ITGAE: variants seen among roughly 807,000 people sequenced by gnomAD.
The protein encoded by ITGAE is integrin alpha-E.
ITGAE carries 99 observed loss-of-function variants against 136.5 expected under a neutral mutation model. The observed-to-expected ratio is 0.73, with a 90% CI of 0.62 to 0.86. The LOEUF is 0.86. Ranked by LOEUF, ITGAE falls within the 40% of genes least tolerant of loss-of-function variation. ITGAE has a pLI of 0.00. For missense variants in ITGAE, 1,447 were observed against 1,515.3 expected (o/e 0.95, Z 0.75); for synonymous variants, 613 against 591.8 (o/e 1.04, Z -0.52).
At chr17:3,723,992 G>C (rs2051135193) in intron 26 of ITGAE, 2 of 1,593,506 alleles carry the variant, frequency 1.3e-6, no homozygotes, top group East Asian at 2.3e-5. Flanking sequence ...ATGGGGCTGC[G>C]GACGGCAGGA....
intron 3 of ITGAE, among the ~76,000 whole-genome samples, chr17:3,763,019 A>G (rs1567542363): frequency 6.6e-6 from 1 of 151,898 alleles, no homozygotes; most frequent in Non-Finnish European, 1.5e-5. Context: ...CAGCCTCCCA[A>G]ATAGCTGGGA....
chr17:3,796,825 C>T (rs10468478), intron 1 of ITGAE, among the ~76,000 whole-genome samples: 10,510 of 152,154 alleles, frequency 0.069, 578 homozygotes, highest in African/African-American at 0.14. Context: ...ATAAGTACCA[C>T]GATTCCCAAT....
At position 3,748,129 on chromosome 17, in the gene ITGAE, A is replaced by G. The variant is rs1355169442; in HGVS notation, c.2025-77T>C. 2.1e-6 allele frequency: 3 copies of G among 1,447,634 alleles called. No homozygotes were observed. The East Asian group carries it at 7.3e-5, about 35-fold the overall frequency. 89.7% of individuals were successfully genotyped at this position (1,447,634 alleles called of 1,614,324 possible). A position where few individuals can be genotyped will look rare whatever the true frequency, so the allele number is the denominator to read the frequency against. On this transcript the variant is annotated intron_variant, in intron 16 of 30. Coordinates refer to ENST00000263087, the MANE Select transcript of ITGAE (RefSeq NM_002208.5). ...CAGGGCCTGGCTGATTGGTTCATGCATTCAATGGTTCTCTATCAAACATGC... is the reference window on the plus strand; with the variant it reads ...CAGGGCCTGGCTGATTGGTTCATGCGTTCAATGGTTCTCTATCAAACATGC...
At chr17:3,746,245 A>G (rs2051711022) in intron 17 of ITGAE, among the ~76,000 whole-genome samples, 1 of 152,080 alleles carries the variant, frequency 6.6e-6, no homozygotes, top group Non-Finnish European at 1.5e-5. Context: ...AAGAGAGACA[A>G]CAAAGAGAAT....
At chr17:3,793,350 C>CT (rs966441240) in intron 1 of ITGAE, among the ~76,000 whole-genome samples, 2 of 152,020 alleles carry the variant, frequency 1.3e-5, no homozygotes, top group African/African-American at 4.8e-5. Context: ...CATGCCCGGC[C>CT]TTTTTTTCTT....
intron 18 of ITGAE, 71 bp from the exon 19 acceptor site, chr17:3,743,688 T>C: frequency 7.0e-7 from 1 of 1,426,466 alleles, no homozygotes; most frequent in Non-Finnish European, 9.4e-7. Context: ...TAATGCTTTT[T>C]TTCTTTTTCT....
intron 20 of ITGAE, among the ~76,000 whole-genome samples, chr17:3,735,347 A>C (rs938002429): frequency 6.6e-6 from 1 of 151,944 alleles, no homozygotes; most frequent in African/African-American, 2.4e-5. Flanking sequence ...TTGTATTTTT[A>C]TTAGGGACGG....
chr17:3,737,659 C>A (rs891188948), intron 20 of ITGAE, among the ~76,000 whole-genome samples: 1 of 152,156 alleles, frequency 6.6e-6, no homozygotes, highest in African/African-American at 2.4e-5. Flanking sequence ...AACAGCGTTG[C>A]CTAATCTGAG....
chr17:3,726,370 T>A (rs2051214237), intron 26 of ITGAE: 1 of 1,414,824 alleles, frequency 7.1e-7, no homozygotes, highest in Non-Finnish European at 9.8e-7. Flanking sequence ...GAGAGGAGAC[T>A]GGTCTTGAAG....
At chr17:3,731,631 C>A (rs1049593234) in intron 22 of ITGAE, among the ~76,000 whole-genome samples, 1 of 151,586 alleles carries the variant, frequency 6.6e-6, no homozygotes, top group Admixed American at 6.6e-5. Context: ...CATGAGCCAC[C>A]GCGCCTGGCC....
intron 2 of ITGAE, among the ~76,000 whole-genome samples, chr17:3,767,160 G>A (rs570478453): frequency 7.3e-5 from 11 of 151,080 alleles, no homozygotes; most frequent in Admixed American, 4.0e-4. Context: ...GCAATGGCAC[G>A]ATCTCGGCTC....
intron 1 of ITGAE, among the ~76,000 whole-genome samples, chr17:3,795,077 G>C (rs1406381026): frequency 6.6e-6 from 1 of 152,158 alleles, no homozygotes; most frequent in African/African-American, 2.4e-5. Context: ...CCAGGAGCCA[G>C]GAGCCAATCC....
chr17:3,754,164 G>A (rs1389979868), intron 12 of ITGAE, among the ~76,000 whole-genome samples: 1 of 152,172 alleles, frequency 6.6e-6, no homozygotes, highest in Non-Finnish European at 1.5e-5. Flanking sequence ...ATGCAGCTTT[G>A]CTCGAAATAC....
rs184220034 is a variant in ITGAE, at chr17:3,755,157, C to T, written c.1344G>A (p.Ala448=). ...RRGRFLNQTA[A]AAADAEAAQY... ...GCGCAGCCTCCGCGTCTGCCGCCGC[C>T]GCCGCTGTCTGGTTCAGGAAGCGGC... is the stretch of plus-strand genomic sequence containing the variant. Residue 448 remains alanine (A), a synonymous_variant, in exon 12 of 31, where the codon GCG becomes GCA. Coordinates refer to ENST00000263087, the MANE Select transcript of ITGAE (RefSeq NM_002208.5). 372 of 1,555,742 alleles carry T rather than the reference C, an allele frequency of 2.4e-4. No homozygotes were observed. The African/African-American group carries it at 4.6e-3, about 19-fold the overall frequency.
intron 26 of ITGAE, chr17:3,724,021 G>A (rs747970048): frequency 1.3e-6 from 2 of 1,590,560 alleles, no homozygotes; most frequent in Non-Finnish European, 1.7e-6. Context: ...CGGCCGGGCC[G>A]GGAAGCCGCG....
At chr17:3,796,051 C>CCG (rs1491059404) in intron 1 of ITGAE, among the ~76,000 whole-genome samples, 2 of 122,752 alleles carry the variant, frequency 1.6e-5, no homozygotes, top group African/African-American at 3.2e-5. Flanking sequence ...GTGTGTGCAT[C>CCG]TGTGTGTGTG....
intron 21 of ITGAE, among the ~76,000 whole-genome samples, chr17:3,734,185 C>G (rs1349817443): frequency 6.6e-6 from 1 of 152,240 alleles, no homozygotes; most frequent in Non-Finnish European, 1.5e-5. Context: ...ATTCTCCTGC[C>G]TCAGCCTCCC....
chr17:3,741,139 G>A (rs2051577977), intron 19 of ITGAE, among the ~76,000 whole-genome samples: 1 of 139,838 alleles, frequency 7.2e-6, no homozygotes, highest in Non-Finnish European at 1.5e-5. Flanking sequence ...GTGCAGTGGC[G>A]CAATCTCCGC....
chr17:3,723,909 G>T, intron 26 of ITGAE, 165 bp from the exon 27 acceptor site: 17 of 1,539,676 alleles, frequency 1.1e-5, no homozygotes, highest in Non-Finnish European at 1.5e-5. Flanking sequence ...CGATGTTTGC[G>T]TTTGAACCTC....
Sources: gnomAD v4.1 joint callset for allele counts (sites outside exome capture counted in the v4.1 genomes callset) on GRCh38, gnomAD v4.1.1 for gene constraint, MANE v1.5 for transcripts, NCBI Gene and HGNC (gene_info 2026-07-23, HGNC 2026-07-21) for gene names.